CPNE8: variants seen among roughly 807,000 people sequenced by gnomAD.
The protein encoded by CPNE8 is copine-8.
Under a neutral mutation model 81.5 loss-of-function variants are expected in CPNE8, and 45 were observed. The observed-to-expected ratio is 0.55, with a 90% CI of 0.44 to 0.71. The LOEUF (loss-of-function observed/expected upper bound fraction) is 0.71. Ranked by LOEUF, CPNE8 falls within the 30% of genes least tolerant of loss-of-function variation. CPNE8 has a pLI of 0.00. For synonymous variants in CPNE8, 252 were observed against 226.3 expected (o/e 1.11, Z -1.02); for missense variants, 594 against 672.1 (o/e 0.88, Z 1.28).
At chr12:38,781,784 C>CA (rs1357748109) in intron 6 of CPNE8, among the ~76,000 whole-genome samples, 1 of 152,026 alleles carries the variant, frequency 6.6e-6, no homozygotes, top group African/African-American at 2.4e-5. Context: ...AGGAGAAAGA[C>CA]ACTTCACTCC....
At position 38,738,269 on chromosome 12, in the gene CPNE8, C is replaced by A. The variant is rs537833140; in HGVS notation, c.723-7911G>T. 6.6e-5 allele frequency among the ~76,000 whole-genome samples: 10 copies of A among 152,206 alleles called. No homozygotes were observed. In the East Asian group the frequency reaches 1.2e-3, roughly 18 times the overall value. On this transcript the variant is annotated intron_variant, in intron 10 of 19. Transcript: ENST00000331366. ...GGGGAAAATGCATTTTGGAAAACAT[C>A]CTTTGATCATGTCAGGATTTTAGAT...
chr12:38,750,118 T>C (rs1941320877), intron 10 of CPNE8, among the ~76,000 whole-genome samples: 1 of 152,170 alleles, frequency 6.6e-6, no homozygotes, highest in Non-Finnish European at 1.5e-5. Flanking sequence ...AAGTGCAACC[T>C]GACCTATTGC....
intron 10 of CPNE8, among the ~76,000 whole-genome samples, chr12:38,756,182 T>C (rs1473043169): frequency 3.9e-5 from 6 of 152,182 alleles, no homozygotes; most frequent in East Asian, 1.9e-4. Flanking sequence ...GTGCTTCTTA[T>C]AGAATTAATT....
upstream of CPNE8, chr12:38,906,395 T>G (rs940104951): frequency 5.1e-6 from 5 of 985,436 alleles, no homozygotes; most frequent in African/African-American, 8.7e-5. Context: ...GCAATCTGGA[T>G]TCTGTCTCCC....
intron 7 of CPNE8, 38 bp from the exon 8 acceptor site, chr12:38,767,776 C>T (rs776432848): frequency 2.4e-6 from 3 of 1,257,500 alleles, no homozygotes; most frequent in Non-Finnish European, 2.2e-6. Flanking sequence ...AAGATTTGGG[C>T]TATAAATAAC....
Position 38,677,435 on chromosome 12 carries a change from G to T in CPNE8, c.1374+17C>A. ...GTTGTCACGTAGCGAGCCCAATACG[G>T]AGTGACCCCCACTTACATTAACTAT... On this transcript the variant is annotated intron_variant, in intron 17 of 19. Coordinates refer to ENST00000331366, the MANE Select transcript of CPNE8 (RefSeq NM_153634.3). 2.9e-6 allele frequency: 4 copies of T among 1,395,540 alleles called. No individual in the cohort carries two copies. The highest frequency in any genetic ancestry group is 4.1e-6 in the Non-Finnish European group (4 of 981,166). The allele number at this position is 1,395,540 out of a possible 1,614,324, so 86.4% of individuals were successfully genotyped here.
intron 10 of CPNE8, among the ~76,000 whole-genome samples, chr12:38,738,073 T>C (rs552299771): frequency 6.6e-5 from 10 of 152,286 alleles, no homozygotes; most frequent in Admixed American, 6.5e-4. Flanking sequence ...TTCTTGCTTG[T>C]GGAGCCGGCT....
intron 3 of CPNE8, among the ~76,000 whole-genome samples, chr12:38,866,932 C>T (rs1360154691): frequency 6.6e-6 from 1 of 152,114 alleles, no homozygotes; most frequent in Non-Finnish European, 1.5e-5. Context: ...GATCTCAGCT[C>T]ACTGCAACCT....
intron 10 of CPNE8, among the ~76,000 whole-genome samples, chr12:38,739,242 CA>C (rs561784868): frequency 1.4e-3 from 212 of 152,174 alleles, no homozygotes; most frequent in African/African-American, 4.9e-3. Context: ...TAAATGTTCT[CA>C]AAGCATTAAA....
At position 38,723,772 on chromosome 12, in the gene CPNE8, C is replaced by T. The variant is rs1262192767; in HGVS notation, c.914G>A (p.Gly305Glu). 1 of 1,566,716 alleles carries T rather than the reference C, an allele frequency of 6.4e-7. No individual in the cohort carries two copies. Among genetic ancestry groups the T allele is most frequent in the South Asian group, 1.1e-5 (1 of 88,938 alleles). The stretch of plus-strand genomic sequence containing the variant: ...GAAACAATTTGAGAGAATTACTTAC[C>T]CTCCCTTAATGTAGTCAAGGAATGA... ...EVSFLDYIKG[G>E]TQINFTVAID... The change falls in exon 13 of 20, where the codon GGG becomes GAG. Residue 305 changes from glycine to glutamate, a missense_variant and splice_region_variant. Gly to Glu is a moderately conservative substitution (Grantham distance 98, BLOSUM62 -2). Coordinates refer to ENST00000331366, the MANE Select transcript of CPNE8 (RefSeq NM_153634.3).
Position 38,877,573 on chromosome 12 carries a change from G to A in CPNE8, c.99-3062C>T, listed in dbSNP as rs183053171. On this transcript the variant is annotated intron_variant, in intron 1 of 19. Transcript: ENST00000331366. ...ATACAAAAGAACAAATTCTTCAATAGAAATTTTGGAAAAATACAGTGTACA... is the reference window on the plus strand; with the variant it reads ...ATACAAAAGAACAAATTCTTCAATAAAAATTTTGGAAAAATACAGTGTACA... Among the ~76,000 whole-genome samples the A allele has an allele frequency of 1.4e-3, 214 of 152,056 alleles. 1 individual carries two copies. The highest frequency in any genetic ancestry group is 4.9e-3 in the African/African-American group (202 of 41,472).
At chr12:38,906,708 C>T (rs546495528), upstream of CPNE8, 3 of 632,460 alleles carry the variant, frequency 4.7e-6, no homozygotes, top group East Asian at 2.8e-4. Context: ...ACGAGGCGCC[C>T]CTCCACTGCA....
At chr12:38,782,355 T>C (rs1229528129) in intron 6 of CPNE8, among the ~76,000 whole-genome samples, 1 of 152,284 alleles carries the variant, frequency 6.6e-6, no homozygotes, top group East Asian at 1.9e-4. Flanking sequence ...AATATACCTA[T>C]AATGACATTA....
chr12:38,855,218 C>T (rs1456214012), intron 3 of CPNE8, among the ~76,000 whole-genome samples: 1 of 151,026 alleles, frequency 6.6e-6, no homozygotes, highest in Non-Finnish European at 1.5e-5. Context: ...TAAAAAAAAA[C>T]ACTGATGAAA....
At chr12:38,825,066 T>C (rs1943167476) in intron 6 of CPNE8, among the ~76,000 whole-genome samples, 1 of 152,212 alleles carries the variant, frequency 6.6e-6, no homozygotes, top group African/African-American at 2.4e-5. Context: ...GAAGAATAGA[T>C]AGAAGAGCTA....
At chr12:38,897,624 A>G (rs1944406283) in intron 1 of CPNE8, among the ~76,000 whole-genome samples, 1 of 150,404 alleles carries the variant, frequency 6.6e-6, no homozygotes, top group African/African-American at 2.4e-5. Context: ...ATTCTATATT[A>G]ATACACACTA....
chr12:38,702,205 A>T (rs73269173), intron 14 of CPNE8, among the ~76,000 whole-genome samples: 2,087 of 152,344 alleles, frequency 0.014, 49 homozygotes, highest in African/African-American at 0.046. Flanking sequence ...AATGAAGTTA[A>T]CATTCTGATG....
intron 3 of CPNE8, among the ~76,000 whole-genome samples, chr12:38,852,428 CAAAAAAA>C (rs138401295): frequency 8.0e-5 from 6 of 75,202 alleles, no homozygotes; most frequent in East Asian, 7.7e-4. Context: ...AGCTCTGTCT[CAAAAAAA>C]AAAAAAAAAA....
intron 4 of CPNE8, among the ~76,000 whole-genome samples, chr12:38,847,946 A>G (rs1258172384): frequency 6.6e-6 from 1 of 152,092 alleles, no homozygotes; most frequent in Non-Finnish European, 1.5e-5. Context: ...AACCATATCC[A>G]GATACTTCAA....
Sources: allele counts gnomAD v4.1 joint callset (sites outside exome capture counted in the v4.1 genomes callset), GRCh38; gene constraint gnomAD v4.1.1; transcripts MANE v1.5; gene names NCBI Gene and HGNC (gene_info 2026-07-23, HGNC 2026-07-21).